PLAC1: variants seen among roughly 807,000 people sequenced by gnomAD.
PLAC1 encodes placenta associated 1.
For missense variants in PLAC1, 136 were observed against 163.2 expected, an observed-to-expected ratio of 0.83 and a Z score of 0.91; for synonymous variants, 68 against 62.1, an observed-to-expected ratio of 1.09 and a Z score of -0.44.
At chrX:134,668,182 A>G (rs1006024200) in intron 2 of PLAC1, among the ~76,000 whole-genome samples, 1 of 112,504 alleles carries the variant, frequency 8.9e-6, no homozygotes, top group Non-Finnish European at 1.9e-5. Flanking sequence ...ATACTACAAC[A>G]TGGATGAACC....
chrX:134,640,079 G>A (rs976477191), intron 1 of PLAC1, among the ~76,000 whole-genome samples: 1 of 111,721 alleles, frequency 9.0e-6, no homozygotes, highest in Non-Finnish European at 1.9e-5. Context: ...TTCGATTTTT[G>A]GGGAGTATAT....
intron 2 of PLAC1, among the ~76,000 whole-genome samples, chrX:134,704,219 C>G (rs1446258892): frequency 9.1e-6 from 1 of 109,366 alleles, no homozygotes; most frequent in Non-Finnish European, 1.9e-5. Flanking sequence ...ATAGGCTGGG[C>G]GTGGTGGCTT....
intron 1 of PLAC1, among the ~76,000 whole-genome samples, chrX:134,747,094 T>C (rs1366814960): frequency 8.9e-6 from 1 of 112,157 alleles, no homozygotes; most frequent in Non-Finnish European, 1.9e-5. Flanking sequence ...AGTTGATGTG[T>C]AACAGCTTAA....
At chrX:134,735,878 C>T (rs1159136263) in intron 1 of PLAC1, among the ~76,000 whole-genome samples, 4 of 107,653 alleles carry the variant, frequency 3.7e-5, no homozygotes, top group Non-Finnish European at 7.7e-5. Context: ...CCAGAATTAC[C>T]CAGTAGTTGA....
chrX:134,736,896 G>A (rs1046236958), intron 1 of PLAC1, among the ~76,000 whole-genome samples: 3 of 112,376 alleles, frequency 2.7e-5, no homozygotes, highest in East Asian at 2.8e-4. Flanking sequence ...GATTGATCAC[G>A]AGAAATCCAT....
At chrX:134,611,508 C>T (rs5933435) in intron 1 of PLAC1, among the ~76,000 whole-genome samples, 21,404 of 69,596 alleles carry the variant, frequency 0.31, 1,877 homozygotes, top group African/African-American at 0.46. Flanking sequence ...TATATATATA[C>T]ACACACACAC....
intron 1 of PLAC1, among the ~76,000 whole-genome samples, chrX:134,754,111 A>T (rs1476763850): frequency 8.9e-6 from 1 of 111,948 alleles, no homozygotes; most frequent in Non-Finnish European, 1.9e-5. Flanking sequence ...TCTATTTTTC[A>T]TTACTTTTCA....
chrX:134,716,298 G>A (rs2078643121), intron 2 of PLAC1, among the ~76,000 whole-genome samples: 1 of 112,514 alleles, frequency 8.9e-6, no homozygotes, highest in Non-Finnish European at 1.9e-5. Flanking sequence ...ACATTCAGCT[G>A]CTAATGGCAA....
At chrX:134,609,281 T>A (rs1429591190) in intron 1 of PLAC1, among the ~76,000 whole-genome samples, 1 of 111,430 alleles carries the variant, frequency 9.0e-6, no homozygotes, top group African/African-American at 3.3e-5. Context: ...CTCCTTCACT[T>A]CTTCATTAGC....
chrX:134,736,149 G>A (rs1012085659), intron 1 of PLAC1, among the ~76,000 whole-genome samples: 6 of 109,670 alleles, frequency 5.5e-5, no homozygotes, highest in Non-Finnish European at 9.5e-5. Flanking sequence ...GGTGGCATGC[G>A]CCTGTAGTCC....
chrX:134,745,899 T>C (rs1569414087), intron 1 of PLAC1, among the ~76,000 whole-genome samples: 1 of 111,807 alleles, frequency 8.9e-6, no homozygotes, highest in Non-Finnish European at 1.9e-5. Flanking sequence ...TGAGTCCAGT[T>C]CCTTCCTTTC....
At chrX:134,662,912 G>A (rs1028028607), upstream of PLAC1, among the ~76,000 whole-genome samples, 1 of 112,127 alleles carries the variant, frequency 8.9e-6, no homozygotes, top group African/African-American at 3.2e-5. Flanking sequence ...CTTGGTGACA[G>A]AGCGAGATCC....
chrX:134,566,803 T>C, intron 2 of PLAC1, 63 bp from the exon 3 acceptor site: 1 of 556,493 alleles, frequency 1.8e-6, no homozygotes, highest in Non-Finnish European at 2.8e-6. Context: ...TCAAACATGA[T>C]ATATTTTTTA....
rs1273275623 is a variant in PLAC1, at chrX:134,566,242, G to A, written c.441C>T (p.Tyr147=). 8.3e-6 allele frequency: 10 copies of A among 1,209,696 alleles called. No individual in the cohort carries two copies. Among genetic ancestry groups the A allele is most frequent in the South Asian group, 5.3e-5 (3 of 56,825 alleles). The change falls in exon 3 of 3, where the codon TAC becomes TAT. Residue 147 remains tyrosine (Y), a synonymous_variant. Coordinates refer to ENST00000359237, the MANE Select transcript of PLAC1 (RefSeq NM_021796.4). ...TGGACTGTGACAAGCTGAACACCTCGTAGCATTTCTCATCCTTCTGGGCTG... is the reference window on the plus strand; with the variant it reads ...TGGACTGTGACAAGCTGAACACCTCATAGCATTTCTCATCCTTCTGGGCTG... ...RATAQKDEKC[Y]EVFSLSQSSQ... is the part of the protein sequence containing the mutation.
intron 1 of PLAC1, among the ~76,000 whole-genome samples, chrX:134,747,985 A>T (rs1244859154): frequency 7.1e-5 from 8 of 111,943 alleles, no homozygotes; most frequent in Non-Finnish European, 1.5e-4. Context: ...GGCCTTAGAT[A>T]CGCTAATGCC....
intron 1 of PLAC1, among the ~76,000 whole-genome samples, chrX:134,749,718 A>G (rs2078736718): frequency 8.9e-6 from 1 of 112,301 alleles, no homozygotes; most frequent in Non-Finnish European, 1.9e-5. Flanking sequence ...TTCCATTTCT[A>G]TCTGCTCATT....
intron 1 of PLAC1, among the ~76,000 whole-genome samples, chrX:134,604,247 A>G (rs1354149451): frequency 8.9e-6 from 1 of 112,945 alleles, no homozygotes; most frequent in Non-Finnish European, 1.9e-5. Context: ...ATAAGCATGT[A>G]TGATGCAATA....
chrX:134,640,783 G>A (rs1341460993), intron 1 of PLAC1, among the ~76,000 whole-genome samples: 1 of 112,299 alleles, frequency 8.9e-6, no homozygotes, highest in Non-Finnish European at 1.9e-5. Context: ...AGTGCCTGGA[G>A]CACATTTGCT....
chrX:134,591,957 A>G (rs2078040971), intron 2 of PLAC1, among the ~76,000 whole-genome samples: 1 of 112,341 alleles, frequency 8.9e-6, no homozygotes, highest in African/African-American at 3.2e-5. Flanking sequence ...GGTTAAATGT[A>G]TCTTTATGTC....
Sources: gnomAD v4.1 joint callset for allele counts (sites outside exome capture counted in the v4.1 genomes callset) on GRCh38, gnomAD v4.1.1 for gene constraint, MANE v1.5 for transcripts, NCBI Gene and HGNC (gene_info 2026-07-23, HGNC 2026-07-21) for gene names.